Variants in TBL1X observed in about 807,000 individuals in gnomAD.
TBL1X encodes the protein F-box-like/WD repeat-containing protein TBL1X.
Under a neutral mutation model 50.7 loss-of-function variants are expected in TBL1X, and 10 were observed. The observed-to-expected ratio is 0.20, with a 90% confidence interval of 0.12 to 0.33. The LOEUF (loss-of-function observed/expected upper bound fraction) is 0.33. Ranked by LOEUF, TBL1X falls within the 10% of genes least tolerant of loss-of-function variation. The pLI, the probability that TBL1X is intolerant of heterozygous loss-of-function variation, is 1.00. For missense variants in TBL1X, 340 were observed against 504.4 expected (o/e 0.67, Z 3.12); for synonymous variants, 190 against 214.7 (o/e 0.88, Z 1.01).
chrX:9,572,924 A>C (rs2082393187), intron 2 of TBL1X, among the ~76,000 whole-genome samples: 1 of 112,532 alleles, frequency 8.9e-6, no homozygotes, highest in African/African-American at 3.2e-5. Flanking sequence ...TCCTTGAAAT[A>C]ATGAAAAACC....
At chrX:9,599,376 G>A (rs375404337) in intron 2 of TBL1X, among the ~76,000 whole-genome samples, 20 of 112,330 alleles carry the variant, frequency 1.8e-4, no homozygotes, top group East Asian at 1.7e-3. Flanking sequence ...TTCAACATAC[G>A]CCTTGGGATG....
intron 1 of TBL1X, among the ~76,000 whole-genome samples, chrX:9,496,085 A>G (rs1348390213): frequency 8.9e-6 from 1 of 112,680 alleles, no homozygotes; most frequent in Non-Finnish European, 1.9e-5. Flanking sequence ...CACAATACAC[A>G]TTGATATTTT....
chrX:9,685,462 C>A (rs987272996), intron 6 of TBL1X, among the ~76,000 whole-genome samples: 5 of 110,111 alleles, frequency 4.5e-5, no homozygotes, highest in Non-Finnish European at 9.5e-5. Context: ...TTCTCAGTCC[C>A]CTGCAGCTTC....
intron 2 of TBL1X, among the ~76,000 whole-genome samples, chrX:9,544,314 T>A (rs1161317922): frequency 9.0e-6 from 1 of 111,277 alleles, no homozygotes; most frequent in African/African-American, 3.3e-5. Context: ...AGATTCTGGC[T>A]GTTTTCAGCT....
In TBL1X at chrX:9,536,173, G is replaced by A. The variant is rs761152358; in HGVS notation, c.-131+34324G>A. ...CCTTACAAGCTGCTGCATTACAGTCGTTATTATTGGGCCATTACAAAAAGC... is the reference window on the plus strand; with the variant it reads ...CCTTACAAGCTGCTGCATTACAGTCATTATTATTGGGCCATTACAAAAAGC... On this transcript the variant is annotated intron_variant, in intron 2 of 17. Coordinates refer to ENST00000645353, the MANE Select transcript of TBL1X (RefSeq NM_005647.4). Among the ~76,000 whole-genome samples, 3 of 111,013 alleles carry A rather than the reference G, an allele frequency of 2.7e-5. No homozygotes were observed. The South Asian group carries it at 1.1e-3, about 42-fold the overall frequency.
At chrX:9,556,545 C>T (rs1477253571) in intron 2 of TBL1X, among the ~76,000 whole-genome samples, 3 of 108,380 alleles carry the variant, frequency 2.8e-5, no homozygotes, top group Non-Finnish European at 5.7e-5. Flanking sequence ...GTCCCAGCTA[C>T]TTGGAGGCTG....
chrX:9,582,086 T>G (rs2082445712), intron 2 of TBL1X, among the ~76,000 whole-genome samples: 1 of 112,546 alleles, frequency 8.9e-6, no homozygotes, highest in African/African-American at 3.2e-5. Context: ...AGAAGCAGGA[T>G]AACCATTTTG....
chrX:9,501,387 T>C (rs1422169489), intron 1 of TBL1X, among the ~76,000 whole-genome samples: 1 of 112,336 alleles, frequency 8.9e-6, no homozygotes, highest in Non-Finnish European at 1.9e-5. Context: ...ATGGGTGAGC[T>C]TAGCACCTTG....
chrX:9,547,016 C>G (rs1255713497), intron 2 of TBL1X, among the ~76,000 whole-genome samples: 2 of 106,909 alleles, frequency 1.9e-5, no homozygotes, highest in African/African-American at 6.8e-5. Flanking sequence ...GACGGGGTTT[C>G]ACCGTGTTAG....
Position 9,613,534 on chromosome X carries a change from A to G in TBL1X, c.-130-26739A>G, listed in dbSNP as rs1021997672. 2.1e-4 allele frequency among the ~76,000 whole-genome samples: 24 copies of G among 111,907 alleles called. No individual in the cohort carries two copies. In the Admixed American group the frequency reaches 2.3e-3, roughly 11 times the overall value. On this transcript the variant is annotated intron_variant, in intron 2 of 17. Transcript: ENST00000645353. ...ATTTCCAATGAAAATTTAACTTGTG[A>G]ATTGAGATATAGTACAAATGTAAAA...
At chrX:9,547,787 A>G (rs1486390773) in intron 2 of TBL1X, among the ~76,000 whole-genome samples, 2 of 106,201 alleles carry the variant, frequency 1.9e-5, no homozygotes, top group East Asian at 3.0e-4. Flanking sequence ...CTATGGGGAT[A>G]TCATTGCTCC....
chrX:9,581,061 G>A (rs941834375), intron 2 of TBL1X, among the ~76,000 whole-genome samples: 7 of 111,395 alleles, frequency 6.3e-5, no homozygotes, highest in East Asian at 2.8e-4. Flanking sequence ...GGGGGCTTTC[G>A]AATGTTATTG....
chrX:9,689,110 G>A (rs764315958), intron 7 of TBL1X, among the ~76,000 whole-genome samples: 1 of 113,510 alleles, frequency 8.8e-6, no homozygotes. Context: ...GTGTGTGTGC[G>A]CACGCACGCA....
Position 9,581,099 on chromosome X carries a change from A to T in TBL1X, c.-130-59174A>T, listed in dbSNP as rs575692504. Among the ~76,000 whole-genome samples the T allele has an allele frequency of 4.5e-5, 5 of 111,783 alleles. No homozygotes were observed. In the South Asian group the frequency reaches 1.9e-3, roughly 43 times the overall value. Reference sequence around the variant, plus strand: ...GGTTTACATTATGATTGTCATTGTTATTAAAAAACTAAGGGCTGTAGAGAA... The same window carrying T: ...GGTTTACATTATGATTGTCATTGTTTTTAAAAAACTAAGGGCTGTAGAGAA... On this transcript the variant is annotated intron_variant, in intron 2 of 17. Transcript: ENST00000645353.
chrX:9,567,011 T>G (rs909376157), intron 2 of TBL1X, among the ~76,000 whole-genome samples: 1 of 111,721 alleles, frequency 9.0e-6, no homozygotes, highest in Admixed American at 9.5e-5. Flanking sequence ...CTCTTTCCTT[T>G]TAAAATACAA....
chrX:9,466,267 A>G (rs980686580), intron 1 of TBL1X, among the ~76,000 whole-genome samples: 3 of 112,260 alleles, frequency 2.7e-5, no homozygotes, highest in African/African-American at 9.7e-5. Context: ...GGAGTGGAGT[A>G]TGGGGAGTGC....
At chrX:9,588,607 A>ATTTTT (rs112613645) in intron 2 of TBL1X, among the ~76,000 whole-genome samples, 2 of 100,562 alleles carry the variant, frequency 2.0e-5, no homozygotes, top group African/African-American at 3.7e-5. Flanking sequence ...ATTCATTTTG[A>ATTTTT]TTTTTTTTTT....
intron 1 of TBL1X, among the ~76,000 whole-genome samples, chrX:9,495,178 C>G (rs1302947382): frequency 2.7e-5 from 3 of 111,254 alleles, no homozygotes; most frequent in African/African-American, 9.8e-5. Flanking sequence ...TCATTTTAAT[C>G]AAATTTCACC....
chrX:9,508,837 A>G (rs2082039176), intron 2 of TBL1X, among the ~76,000 whole-genome samples: 1 of 110,982 alleles, frequency 9.0e-6, no homozygotes, highest in African/African-American at 3.3e-5. Flanking sequence ...TAGCACAGAA[A>G]CAAAACCAAA....
Sources: gnomAD v4.1 joint callset for allele counts (sites outside exome capture counted in the v4.1 genomes callset) on GRCh38, gnomAD v4.1.1 for gene constraint, MANE v1.5 for transcripts, NCBI Gene and HGNC (gene_info 2026-07-23, HGNC 2026-07-21) for gene names.